R3HCC1L: variants seen among roughly 807,000 people sequenced by gnomAD.
R3HCC1L encodes R3H domain and coiled-coil containing 1 like.
A neutral mutation model predicts 59.9 loss-of-function variants in R3HCC1L; 51 were observed. That is an observed-to-expected ratio of 0.85 (90% CI 0.68 to 1.07). The LOEUF is 1.07. Among genes scored for constraint, R3HCC1L ranks in the 50% least tolerant of loss-of-function variants. R3HCC1L has a pLI of 0.00. For missense variants in R3HCC1L, 965 were observed against 933.0 expected (o/e 1.03, Z -0.45); for synonymous variants, 322 against 315.2 (o/e 1.02, Z -0.23).
At chr10:98,218,368 C>A (rs552350641) in intron 5 of R3HCC1L, among the ~76,000 whole-genome samples, 1 of 151,788 alleles carries the variant, frequency 6.6e-6, no homozygotes, top group Non-Finnish European at 1.5e-5. Context: ...AAAAAAGATA[C>A]CATGATCAAG....
intron 4 of R3HCC1L, among the ~76,000 whole-genome samples, chr10:98,198,058 T>C (rs1198161215): frequency 6.6e-6 from 1 of 152,020 alleles, no homozygotes; most frequent in Non-Finnish European, 1.5e-5. Flanking sequence ...CTGGAAGCAG[T>C]GTAGAGGTGG....
At chr10:98,154,144 T>G (rs1846578111) in intron 1 of R3HCC1L, among the ~76,000 whole-genome samples, 1 of 144,276 alleles carries the variant, frequency 6.9e-6, no homozygotes. Flanking sequence ...TTTTTGATAC[T>G]TTCAACCATA....
At chr10:98,233,996 C>A (rs1200503361) in intron 6 of R3HCC1L, among the ~76,000 whole-genome samples, 1 of 152,142 alleles carries the variant, frequency 6.6e-6, no homozygotes, top group East Asian at 1.9e-4. Flanking sequence ...CCATTCTCTT[C>A]TCTTTCTGTC....
chr10:98,212,916 C>G (rs12218614), intron 5 of R3HCC1L, among the ~76,000 whole-genome samples: 39,550 of 151,938 alleles, frequency 0.26, 6,103 homozygotes, highest in South Asian at 0.42. Context: ...TTACAGAAGG[C>G]CACTAATATT....
At chr10:98,186,369 G>T in intron 4 of R3HCC1L, 1 of 464,206 alleles carries the variant, frequency 2.2e-6, no homozygotes, top group Non-Finnish European at 2.8e-6. Context: ...TTGCTCTTTT[G>T]GAACAAAAAT....
chr10:98,238,633 C>G (rs546309220), intron 9 of R3HCC1L, among the ~76,000 whole-genome samples: 1 of 152,168 alleles, frequency 6.6e-6, no homozygotes, highest in East Asian at 1.9e-4. Context: ...AGCTGGTAAA[C>G]TGAAAGAGAA....
Position 98,236,154 on chromosome 10 carries a change from A to G in R3HCC1L, c.2259A>G (p.Gln753=), listed in dbSNP as rs764696583. The G allele has an allele frequency of 5.0e-6, 8 of 1,613,696 alleles. No individual in the cohort carries two copies. In the East Asian group the frequency reaches 1.1e-4, roughly 22 times the overall value. ...TEREAELKKL[Q]EARERKRLEA... Reference sequence around the variant, plus strand: ...GAGAAGCAGAGCTCAAGAAACTGCAAGAAGCCAGAGGTGAGCTGAAAGGGT... The same window carrying G: ...GAGAAGCAGAGCTCAAGAAACTGCAGGAAGCCAGAGGTGAGCTGAAAGGGT... The change falls in exon 9 of 10, where the codon CAA becomes CAG. Residue 753 remains glutamine (Q), a synonymous_variant. Transcript: ENST00000298999.
At chr10:98,190,828 AGTGT>A (rs1208412276) in intron 4 of R3HCC1L, among the ~76,000 whole-genome samples, 1 of 37,478 alleles carries the variant, frequency 2.7e-5, no homozygotes, top group Non-Finnish European at 4.8e-5. Flanking sequence ...GACAGGCCCC[AGTGT>A]GTGATGTTCA....
intron 1 of R3HCC1L, among the ~76,000 whole-genome samples, chr10:98,147,616 A>G (rs987570336): frequency 2.0e-5 from 3 of 152,014 alleles, no homozygotes; most frequent in African/African-American, 7.2e-5. Context: ...TAGTTTCATC[A>G]TTCTCAGTAT....
chr10:98,209,573 T>A lies in R3HCC1L; in HGVS notation c.1459T>A (p.Leu487Met). Residue 487 changes from leucine (L) to methionine (M), a missense_variant, in exon 5 of 10, where the codon TTG (leucine) becomes ATG (methionine). Physicochemically the swap from Leu to Met is conservative, Grantham distance 15. Transcript: ENST00000298999. ...KIAGSNYNTFLDSELSMLNGT... is the reference protein window; with the variant it reads ...KIAGSNYNTFMDSELSMLNGT... Reference sequence around the variant, plus strand: ...TGCTGGTAGTAATTATAACACTTTTTTGGACTCTGAACTCAGTATGTTAAA... The same window carrying A: ...TGCTGGTAGTAATTATAACACTTTTATGGACTCTGAACTCAGTATGTTAAA... The A allele has an allele frequency of 6.2e-7, 1 of 1,614,024 alleles. No individual in the cohort carries two copies.
chr10:98,139,438 A>G (rs1259898482), intron 1 of R3HCC1L, among the ~76,000 whole-genome samples: 2 of 152,200 alleles, frequency 1.3e-5, no homozygotes, highest in Admixed American at 1.3e-4. Flanking sequence ...CTTCTCACCT[A>G]TAGGAGAAGT....
At position 98,209,135 on chromosome 10, in the gene R3HCC1L, G is replaced by A. The variant is rs768362453; in HGVS notation, c.1021G>A (p.Asp341Asn). The stretch of plus-strand genomic sequence containing the variant: ...ATGTGAGAAGAATGACAGCACTGCT[G>A]ATGAGTTACATGTAAAGCACGAACC... The part of the protein sequence containing the change: ...RECEKNDSTA[D>N]ELHVKHEPPD... The change falls in exon 5 of 10, where the codon GAT becomes AAT. Residue 341 changes from aspartate (D) to asparagine (N), a missense_variant. Physicochemically the swap from Asp to Asn is conservative, Grantham distance 23 (BLOSUM62 1). Coordinates refer to ENST00000298999, the MANE Select transcript of R3HCC1L (RefSeq NM_001351015.2). 8.7e-6 allele frequency: 14 copies of A among 1,614,074 alleles called. No individual in the cohort carries two copies. The South Asian group carries it at 1.1e-4, about 13-fold the overall frequency.
At chr10:98,166,559 A>T (rs1847967024) in intron 4 of R3HCC1L, among the ~76,000 whole-genome samples, 1 of 152,150 alleles carries the variant, frequency 6.6e-6, no homozygotes, top group Non-Finnish European at 1.5e-5. Context: ...CCACTTTATG[A>T]CATTTTCCTC....
chr10:98,241,697 C>G (rs1332492144), intron 9 of R3HCC1L, among the ~76,000 whole-genome samples: 1 of 151,956 alleles, frequency 6.6e-6, no homozygotes, highest in Non-Finnish European at 1.5e-5. Context: ...TCTGTTTATA[C>G]AATTTTTTTC....
chr10:98,243,437 T>G (rs762668972), intron 9 of R3HCC1L, among the ~76,000 whole-genome samples: 1 of 152,232 alleles, frequency 6.6e-6, no homozygotes, highest in Non-Finnish European at 1.5e-5. Context: ...GAAAGTGTTA[T>G]GGAGAACCAA....
Position 98,243,854 on chromosome 10 carries a change from C to T in R3HCC1L, c.2270-237C>T, listed in dbSNP as rs574813292. Among the ~76,000 whole-genome samples, 7 of 152,264 alleles carry T rather than the reference C, an allele frequency of 4.6e-5. No individual in the cohort carries two copies. The South Asian group carries it at 1.4e-3, about 32-fold the overall frequency. ...ACTAGATTCTGACTTATTCCATATA[C>T]TTCTATTAGCCTCAGATATTTTTTA... On this transcript the variant is annotated intron_variant, in intron 9 of 9. Coordinates refer to ENST00000298999, the MANE Select transcript of R3HCC1L (RefSeq NM_001351015.2).
At chr10:98,208,049 G>A (rs1482026963) in intron 4 of R3HCC1L, 52 bp from the exon 5 acceptor site, 4 of 1,481,230 alleles carry the variant, frequency 2.7e-6, no homozygotes, top group Admixed American at 2.6e-5. Flanking sequence ...AAATATTTTG[G>A]TTCAATACAT....
intron 1 of R3HCC1L, among the ~76,000 whole-genome samples, chr10:98,135,318 A>G (rs1202726166): frequency 1.3e-5 from 2 of 152,242 alleles, no homozygotes; most frequent in Non-Finnish European, 2.9e-5. Context: ...TCCTGGGGGA[A>G]GTCTCAGTCC....
At chr10:98,231,170 A>T (rs140533385) in intron 5 of R3HCC1L, 6 of 335,370 alleles carry the variant, frequency 1.8e-5, no homozygotes, top group Non-Finnish European at 2.8e-5. Flanking sequence ...CTCTTCAGCT[A>T]TTATCTAAGC....
Sources: allele counts gnomAD v4.1 joint callset (sites outside exome capture counted in the v4.1 genomes callset), GRCh38; gene constraint gnomAD v4.1.1; transcripts MANE v1.5; gene names NCBI Gene and HGNC (gene_info 2026-07-23, HGNC 2026-07-21).